GRIP1: variants seen among roughly 807,000 people sequenced by gnomAD.
GRIP1 encodes the protein glutamate receptor-interacting protein 1.
A neutral mutation model predicts 129.9 loss-of-function variants in GRIP1; 45 were observed. That is an observed-to-expected ratio of 0.35 (90% confidence interval 0.27 to 0.44). GRIP1 has a LOEUF of 0.44. Ranked by LOEUF, GRIP1 falls within the 20% of genes least tolerant of loss-of-function variation. GRIP1 has a pLI of 1.00. For missense variants in GRIP1, 1,196 were observed against 1,396.8 expected, an observed-to-expected ratio of 0.86 and a Z score of 2.29; for synonymous variants, 530 against 520.8, an observed-to-expected ratio of 1.02 and a Z score of -0.24.
At chr12:66,949,492 T>C (rs1232758049) in intron 1 of GRIP1, among the ~76,000 whole-genome samples, 1 of 152,156 alleles carries the variant, frequency 6.6e-6, no homozygotes, top group Non-Finnish European at 1.5e-5. Flanking sequence ...CAACAACTAA[T>C]GGTCACAGGA....
Position 67,032,048 on chromosome 12 carries a change from C to T in GRIP1, c.58+37002G>A, listed in dbSNP as rs17780868. ...TCCATGGTTAGGGATACACTTCAGA[C>T]AGGATGCTCTCCATAAAGCCTTTCC... is the stretch of plus-strand genomic sequence containing the variant. On this transcript the variant is annotated intron_variant, in intron 1 of 1. Transcript: ENST00000643019. Among the ~76,000 whole-genome samples the T allele has an allele frequency of 6.8e-3, 1,034 of 152,284 alleles. 5 individuals are homozygous for T. The highest frequency in any genetic ancestry group is 0.011 in the Non-Finnish European group (727 of 68,020).
At chr12:66,791,025 G>C (rs906465783) in intron 1 of GRIP1, among the ~76,000 whole-genome samples, 1 of 152,122 alleles carries the variant, frequency 6.6e-6, no homozygotes, top group South Asian at 2.1e-4. Context: ...GAAGCTCAAC[G>C]AAGTTAAGAA....
intron 14 of GRIP1, among the ~76,000 whole-genome samples, chr12:66,425,185 T>G (rs1172536189): frequency 6.6e-6 from 1 of 152,198 alleles, no homozygotes; most frequent in Non-Finnish European, 1.5e-5. Context: ...TTTTAGAAAT[T>G]TGAAGGCACT....
At chr12:66,366,438 T>A (rs886295641) in intron 23 of GRIP1, among the ~76,000 whole-genome samples, 1 of 152,094 alleles carries the variant, frequency 6.6e-6, no homozygotes, top group East Asian at 1.9e-4. Context: ...AAATGCAAAC[T>A]GAACTTGGCA....
intron 13 of GRIP1, 93 bp from the exon 14 acceptor site, chr12:66,432,721 C>A: frequency 1.4e-6 from 1 of 730,096 alleles, no homozygotes; most frequent in Non-Finnish European, 2.4e-6. Context: ...GTATCATAAT[C>A]ATATGTAGCT....
chr12:66,928,817 C>G (rs1592355648), intron 1 of GRIP1, among the ~76,000 whole-genome samples: 1 of 152,188 alleles, frequency 6.6e-6, no homozygotes, highest in Admixed American at 6.5e-5. Flanking sequence ...TTTCCCAAAC[C>G]CTTAGTGAAA....
At chr12:66,596,551 C>T (rs1415421493) in intron 2 of GRIP1, among the ~76,000 whole-genome samples, 1 of 152,164 alleles carries the variant, frequency 6.6e-6, no homozygotes, top group Non-Finnish European at 1.5e-5. Flanking sequence ...AAGTCATCCC[C>T]TGAAAATGAG....
chr12:66,874,949 A>C (rs1488425615), intron 1 of GRIP1, among the ~76,000 whole-genome samples: 1 of 152,074 alleles, frequency 6.6e-6, no homozygotes. Flanking sequence ...TCTAAGATAT[A>C]TTACATTTCA....
At chr12:66,979,262 G>A (rs1306421916) in intron 1 of GRIP1, among the ~76,000 whole-genome samples, 7 of 45,654 alleles carry the variant, frequency 1.5e-4, no homozygotes, top group Admixed American at 3.0e-4. Context: ...AAACAAGCCC[G>A]TCATCCTGCA....
intron 1 of GRIP1, among the ~76,000 whole-genome samples, chr12:66,887,827 C>A (rs2040591276): frequency 6.6e-6 from 1 of 152,066 alleles, no homozygotes; most frequent in South Asian, 2.1e-4. Flanking sequence ...ATATTTATTC[C>A]TAGATGCACC....
At chr12:66,359,736 C>A (rs1304826655) in intron 23 of GRIP1, among the ~76,000 whole-genome samples, 2 of 151,972 alleles carry the variant, frequency 1.3e-5, no homozygotes, top group Admixed American at 6.6e-5. Context: ...CTAGTAATGG[C>A]AAATTAACAA....
chr12:66,741,864 T>C (rs1198810477), intron 1 of GRIP1, among the ~76,000 whole-genome samples: 4 of 152,198 alleles, frequency 2.6e-5, no homozygotes, highest in Non-Finnish European at 5.9e-5. Flanking sequence ...CTAAACATAA[T>C]GGCTTCCCAT....
chr12:66,674,556 G>C (rs78426711), intron 1 of GRIP1, among the ~76,000 whole-genome samples: 1,994 of 152,288 alleles, frequency 0.013, 54 homozygotes, highest in African/African-American at 0.046. Flanking sequence ...GACGTCACCT[G>C]AGTAATCCAT....
chr12:67,066,522 A>G (rs1359540056), intron 1 of GRIP1, among the ~76,000 whole-genome samples: 4 of 152,208 alleles, frequency 2.6e-5, no homozygotes, highest in African/African-American at 7.2e-5. Flanking sequence ...TGGAAAGCGC[A>G]GTGGTTTAGA....
At chr12:66,576,881 T>C (rs1248582722) in intron 2 of GRIP1, among the ~76,000 whole-genome samples, 1 of 152,220 alleles carries the variant, frequency 6.6e-6, no homozygotes. Context: ...ATAAGACCTG[T>C]ATGTGTTAGT....
rs1051371629 is a variant in GRIP1 at position 66,569,385 on chromosome 12, G to A, written c.137-27435C>T. On this transcript the variant is annotated intron_variant, in intron 2 of 24. Transcript: ENST00000359742. ...CCAGCTACTGGGGAAGCTGAGGCAG[G>A]AGAATCGCTTGAACCCAGGGGACAG... 2.6e-5 allele frequency among the ~76,000 whole-genome samples: 4 copies of A among 152,172 alleles called. No homozygotes were observed. The South Asian group carries it at 6.2e-4, about 24-fold the overall frequency.
In GRIP1 at chr12:66,876,832, A is replaced by G. The variant is rs564179973; in HGVS notation, c.58+192218T>C. ...TGGAAATGAGTGGAACAATTCCATC[A>G]AAGGAAAAATTTTTTCATGTTCTGC... On this transcript the variant is annotated intron_variant, in intron 1 of 1. Coordinates refer to the GRIP1 transcript ENST00000643019. Among the ~76,000 whole-genome samples, 7 of 152,206 alleles carry G rather than the reference A, an allele frequency of 4.6e-5. No individual in the cohort carries two copies. The South Asian group carries it at 1.5e-3, about 32-fold the overall frequency.
chr12:66,674,030 G>C (rs549202328), intron 1 of GRIP1, among the ~76,000 whole-genome samples: 1 of 152,160 alleles, frequency 6.6e-6, no homozygotes, highest in Non-Finnish European at 1.5e-5. Context: ...GATTTGGAAA[G>C]GGGTGGAAAG....
At chr12:66,850,571 T>C (rs2039892819) in intron 1 of GRIP1, among the ~76,000 whole-genome samples, 1 of 152,036 alleles carries the variant, frequency 6.6e-6, no homozygotes, top group African/African-American at 2.4e-5. Flanking sequence ...TAATAGAAAC[T>C]AATTGAACAT....
Sources: gnomAD v4.1 joint callset for allele counts (sites outside exome capture counted in the v4.1 genomes callset) on GRCh38, gnomAD v4.1.1 for gene constraint, MANE v1.5 for transcripts, NCBI Gene and HGNC (gene_info 2026-07-23, HGNC 2026-07-21) for gene names.